Variants in INSYN2B observed in about 807,000 individuals in gnomAD.
The protein encoded by INSYN2B is inhibitory synaptic factor family member 2B.
In INSYN2B, 16 loss-of-function variants were observed where a neutral mutation model predicts 41.2. That is an observed-to-expected ratio of 0.39 (90% CI 0.26 to 0.59). INSYN2B has a LOEUF of 0.59. INSYN2B is among the 20% of genes least tolerant of loss of function. The pLI is 0.57. For missense variants in INSYN2B, 608 were observed against 646.4 expected, an observed-to-expected ratio of 0.94 and a Z score of 0.64; for synonymous variants, 245 against 244.4, an observed-to-expected ratio of 1.00 and a Z score of -0.02.
At position 169,883,637 on chromosome 5, in the gene INSYN2B, T is replaced by G; in HGVS notation, c.262A>C (p.Lys88Gln). 1.3e-6 allele frequency: 2 copies of G among 1,551,464 alleles called. No homozygotes were observed. The highest frequency in any genetic ancestry group is 1.7e-6 in the Non-Finnish European group (2 of 1,146,834). The change falls in exon 2 of 4, where the codon AAG becomes CAG. Residue 88 changes from lysine to glutamine, a missense_variant. Lys to Gln is a moderately conservative substitution (Grantham distance 53). Transcript: ENST00000377365. Reference protein sequence around the residue: ...TYSLSFPRSQKAGGFRNIAIQ... With the variant: ...TYSLSFPRSQQAGGFRNIAIQ... ...GCAATGTTGCGAAAGCCCCCTGCCTTCTGGGACCTGGGGAAGGAGAGCGAG... is the reference window on the plus strand; with the variant it reads ...GCAATGTTGCGAAAGCCCCCTGCCTGCTGGGACCTGGGGAAGGAGAGCGAG...
chr5:169,950,892 G>A (rs1168793735), intron 1 of INSYN2B, among the ~76,000 whole-genome samples: 1 of 152,242 alleles, frequency 6.6e-6, no homozygotes, highest in Non-Finnish European at 1.5e-5. Flanking sequence ...GATGTGGCCT[G>A]TGATGTTTTG....
chr5:169,973,837 T>C (rs1376258567), intron 1 of INSYN2B, among the ~76,000 whole-genome samples: 1 of 152,232 alleles, frequency 6.6e-6, no homozygotes. Flanking sequence ...ATCATCTAGC[T>C]AGCTTTATCC....
At chr5:169,867,944 G>A (rs146695002) in intron 3 of INSYN2B, among the ~76,000 whole-genome samples, 140 of 152,226 alleles carry the variant, frequency 9.2e-4, no homozygotes, top group African/African-American at 3.0e-3. Flanking sequence ...TCTAGCACCA[G>A]GAACACACAT....
chr5:169,912,390 T>C (rs1359691087), intron 1 of INSYN2B, among the ~76,000 whole-genome samples: 1 of 152,150 alleles, frequency 6.6e-6, no homozygotes, highest in Non-Finnish European at 1.5e-5. Flanking sequence ...TCTATTGGCT[T>C]TCAGGATTGT....
At chr5:169,972,586 T>TAGATA (rs1554122913) in intron 1 of INSYN2B, among the ~76,000 whole-genome samples, 56 of 69,026 alleles carry the variant, frequency 8.1e-4, no homozygotes, top group East Asian at 1.2e-3. Flanking sequence ...GATAGATAGA[T>TAGATA]GATAGATAGA....
At chr5:169,892,407 C>T (rs1773350876) in intron 1 of INSYN2B, among the ~76,000 whole-genome samples, 1 of 152,230 alleles carries the variant, frequency 6.6e-6, no homozygotes, top group Admixed American at 6.5e-5. Context: ...ACAAGTGACA[C>T]ATTGAGTTGA....
chr5:169,977,085 G>A (rs926576844), intron 1 of INSYN2B, among the ~76,000 whole-genome samples: 1 of 152,188 alleles, frequency 6.6e-6, no homozygotes, highest in African/African-American at 2.4e-5. Context: ...CTAAGTTTTC[G>A]ATGAAGACAG....
At chr5:169,918,916 A>C (rs1775024967) in intron 1 of INSYN2B, among the ~76,000 whole-genome samples, 1 of 152,186 alleles carries the variant, frequency 6.6e-6, no homozygotes, top group Non-Finnish European at 1.5e-5. Flanking sequence ...TCTCAAAAAA[A>C]TACAAACTAA....
intron 1 of INSYN2B, among the ~76,000 whole-genome samples, chr5:169,965,951 A>G (rs1222643916): frequency 6.6e-6 from 1 of 152,162 alleles, no homozygotes; most frequent in Non-Finnish European, 1.5e-5. Flanking sequence ...AGGCTTCTCC[A>G]TGCTCCTCCA....
intron 3 of INSYN2B, 82 bp from the exon 4 acceptor site, chr5:169,864,541 T>G (rs1437639582): frequency 5.5e-5 from 60 of 1,086,262 alleles, no homozygotes; most frequent in Non-Finnish European, 6.8e-5. Flanking sequence ...CCAACTAATA[T>G]GGAAGAGCAT....
intron 1 of INSYN2B, among the ~76,000 whole-genome samples, chr5:169,936,857 G>A (rs1199227117): frequency 6.6e-6 from 1 of 152,112 alleles, no homozygotes; most frequent in Non-Finnish European, 1.5e-5. Flanking sequence ...TGTCTCTTGT[G>A]ATAGAATTAT....
intron 1 of INSYN2B, among the ~76,000 whole-genome samples, chr5:169,931,463 G>A (rs1775750076): frequency 6.6e-6 from 1 of 152,198 alleles, no homozygotes; most frequent in South Asian, 2.1e-4. Flanking sequence ...CTATCCAAGT[G>A]CACTAAGTTC....
At chr5:169,944,500 C>T (rs1435638971) in intron 1 of INSYN2B, among the ~76,000 whole-genome samples, 1 of 152,204 alleles carries the variant, frequency 6.6e-6, no homozygotes, top group Non-Finnish European at 1.5e-5. Context: ...GGAGAGCAGC[C>T]AGGCCTGTGC....
intron 1 of INSYN2B, among the ~76,000 whole-genome samples, chr5:169,937,047 G>A (rs1309424633): frequency 6.6e-6 from 1 of 152,214 alleles, no homozygotes; most frequent in Non-Finnish European, 1.5e-5. Flanking sequence ...GGAGGGAGGG[G>A]CTGACCAGTT....
intron 1 of INSYN2B, among the ~76,000 whole-genome samples, chr5:169,889,514 G>A (rs1773165090): frequency 6.6e-6 from 1 of 152,218 alleles, no homozygotes; most frequent in Non-Finnish European, 1.5e-5. Context: ...CAGGGTAGGG[G>A]AAGACTTAGA....
intron 1 of INSYN2B, among the ~76,000 whole-genome samples, chr5:169,956,347 T>C (rs1479125423): frequency 6.6e-6 from 1 of 152,178 alleles, no homozygotes. Context: ...TAGCCACAAG[T>C]GATACTACTA....
At chr5:169,935,820 C>T (rs13153416) in intron 1 of INSYN2B, among the ~76,000 whole-genome samples, 1 of 152,098 alleles carries the variant, frequency 6.6e-6, no homozygotes. Context: ...TCTGGTAGAA[C>T]GAGACATTAT....
At chr5:169,966,198 A>T (rs1777292642) in intron 1 of INSYN2B, among the ~76,000 whole-genome samples, 1 of 152,138 alleles carries the variant, frequency 6.6e-6, no homozygotes, top group Non-Finnish European at 1.5e-5. Context: ...TGCAGTAAGG[A>T]TTTATTGTTT....
At chr5:169,933,529 C>T (rs186751117) in intron 1 of INSYN2B, among the ~76,000 whole-genome samples, 9 of 152,354 alleles carry the variant, frequency 5.9e-5, no homozygotes, top group African/African-American at 2.2e-4. Context: ...AATATTGATA[C>T]TGCATTCACC....
Sources: gnomAD v4.1 joint callset for allele counts (sites outside exome capture counted in the v4.1 genomes callset) on GRCh38, gnomAD v4.1.1 for gene constraint, MANE v1.5 for transcripts, NCBI Gene and HGNC (gene_info 2026-07-23, HGNC 2026-07-21) for gene names.